Variants in PCDHA1 observed in about 807,000 individuals in gnomAD.
PCDHA1 encodes protocadherin alpha 1, also known as protocadherin alpha-1.
In PCDHA1, 42 loss-of-function variants were observed where a neutral mutation model predicts 61.3. That is an observed-to-expected ratio of 0.69 (90% CI 0.54 to 0.89). The LOEUF (loss-of-function observed/expected upper bound fraction) is 0.89. PCDHA1 is among the 40% of genes least tolerant of loss of function. The probability of loss-of-function intolerance (pLI) is 0.00; values close to 1 mark genes in which losing one functional copy is unlikely to be tolerated. For missense variants in PCDHA1, 1,256 were observed against 1,235.3 expected (o/e 1.02, Z -0.25); for synonymous variants, 610 against 553.8 (o/e 1.10, Z -1.43).
chr5:140,937,219 T>A (rs555881657), intron 1 of PCDHA1, among the ~76,000 whole-genome samples: 4 of 151,838 alleles, frequency 2.6e-5, no homozygotes, highest in East Asian at 3.9e-4. Context: ...TTGTATTTTT[T>A]GTAGAGACGG....
chr5:140,923,396 T>C (rs2081343835), intron 1 of PCDHA1, among the ~76,000 whole-genome samples: 1 of 152,058 alleles, frequency 6.6e-6, no homozygotes, highest in Non-Finnish European at 1.5e-5. Context: ...GGCATGGTGG[T>C]GTGTGCCTAT....
At chr5:140,880,258 A>G (rs1278819523) in intron 1 of PCDHA1, among the ~76,000 whole-genome samples, 3 of 152,246 alleles carry the variant, frequency 2.0e-5, no homozygotes. Flanking sequence ...GTATGTATAC[A>G]TATTTTAGTT....
intron 1 of PCDHA1, chr5:140,853,946 G>A (rs2042919136): frequency 1.2e-6 from 1 of 805,184 alleles, no homozygotes; most frequent in Non-Finnish European, 1.5e-6. Flanking sequence ...AGGTGGGAGG[G>A]TCCCTTCCTT....
intron 1 of PCDHA1, among the ~76,000 whole-genome samples, chr5:140,941,192 TTTCTTTCTTCCTTTCTTTCTTCC>T (rs2153649449): frequency 1.0e-5 from 1 of 99,660 alleles, no homozygotes; most frequent in African/African-American, 4.0e-5. Flanking sequence ...CTTCTTTTTT[TTTCTTTCTTCCTTTCTTTCTTCC>T]TTTCTTTCTT....
chr5:140,823,743 C>T (rs1554129577), intron 1 of PCDHA1: 13 of 1,613,718 alleles, frequency 8.1e-6, no homozygotes, highest in Non-Finnish European at 1.1e-5. Flanking sequence ...ATGGAGAGCC[C>T]CCGCTGACAG....
At chr5:140,807,192 A>ACTCC (rs1554123783) in intron 1 of PCDHA1, 2 of 1,613,220 alleles carry the variant, frequency 1.2e-6, no homozygotes, top group African/African-American at 2.7e-5. Context: ...CTAAAGATGG[A>ACTCC]GTTTTCCTGG....
intron 1 of PCDHA1, among the ~76,000 whole-genome samples, chr5:140,798,826 T>G (rs1762366543): frequency 1.3e-5 from 2 of 152,214 alleles, no homozygotes; most frequent in African/African-American, 4.8e-5. Context: ...CAAAGGCAGA[T>G]GTATTGCAAT....
At chr5:140,899,255 C>A (rs532751288) in intron 1 of PCDHA1, among the ~76,000 whole-genome samples, 1 of 152,258 alleles carries the variant, frequency 6.6e-6, no homozygotes, top group East Asian at 1.9e-4. Flanking sequence ...GAGAGGGCAT[C>A]CCTGTCTTGT....
chr5:140,794,352 T>G (rs1554119102), intron 1 of PCDHA1, among the ~76,000 whole-genome samples: 1 of 152,222 alleles, frequency 6.6e-6, no homozygotes, highest in African/African-American at 2.4e-5. Flanking sequence ...GGATGAACCT[T>G]GAGGACATTG....
chr5:140,870,876 G>A, intron 1 of PCDHA1: 1 of 1,613,958 alleles, frequency 6.2e-7, no homozygotes, highest in Non-Finnish European at 8.5e-7. Context: ...ACGTGGTGGC[G>A]AAGGTGCGCG....
intron 1 of PCDHA1, chr5:140,926,762 C>T: frequency 7.5e-7 from 1 of 1,326,672 alleles, no homozygotes; most frequent in Non-Finnish European, 9.8e-7. Context: ...CGCTGAGTAT[C>T]CAGCCCGCAG....
intron 1 of PCDHA1, chr5:140,871,714 T>G (rs938500670): frequency 2.5e-6 from 2 of 805,644 alleles, no homozygotes; most frequent in African/African-American, 3.5e-5. Context: ...AATGTCCTAT[T>G]TCTCTTAATA....
intron 1 of PCDHA1, chr5:140,808,723 G>A (rs1764247036): frequency 2.5e-6 from 4 of 1,612,108 alleles, no homozygotes; most frequent in South Asian, 2.2e-5. Flanking sequence ...CGGTGCATGC[G>A]GAGAGCGGCA....
At chr5:140,882,113 G>C in intron 1 of PCDHA1, 1 of 1,394,318 alleles carries the variant, frequency 7.2e-7, no homozygotes, top group South Asian at 1.5e-5. Context: ...GAAGAAAGCC[G>C]CCGTTTCTTT....
chr5:140,858,426 A>T, intron 1 of PCDHA1: 9 of 1,551,394 alleles, frequency 5.8e-6, no homozygotes, highest in Non-Finnish European at 7.9e-6. Flanking sequence ...GGAGGGGACC[A>T]CTCTAGGAAG....
chr5:140,869,883 T>G, intron 1 of PCDHA1: 1 of 1,610,444 alleles, frequency 6.2e-7, no homozygotes, highest in Admixed American at 1.7e-5. Context: ...AAGAAACTCT[T>G]GTGCTCAAAC....
At chr5:140,848,730 C>A (rs2150418805) in intron 1 of PCDHA1, 1 of 1,592,792 alleles carries the variant, frequency 6.3e-7, no homozygotes, top group Non-Finnish European at 8.6e-7. Context: ...GGAGGTAAAT[C>A]TGCAGAATGG....
chr5:140,974,577 T>C (rs2096632640), intron 1 of PCDHA1, among the ~76,000 whole-genome samples: 1 of 152,200 alleles, frequency 6.6e-6, no homozygotes, highest in South Asian at 2.1e-4. Flanking sequence ...AATGGCATGA[T>C]CTTGGCTCAC....
intron 1 of PCDHA1, chr5:140,809,286 T>A (rs782732716): frequency 1.2e-6 from 2 of 1,613,984 alleles, no homozygotes; most frequent in East Asian, 2.2e-5. Context: ...AACGTATACC[T>A]GATCATTGCC....
Sources: gnomAD v4.1 joint callset for allele counts (sites outside exome capture counted in the v4.1 genomes callset) on GRCh38, gnomAD v4.1.1 for gene constraint, MANE v1.5 for transcripts, NCBI Gene and HGNC (gene_info 2026-07-23, HGNC 2026-07-21) for gene names.